The following LRMDA variants were observed in gnomAD, a reference collection of about 807,000 sequenced individuals.
The protein encoded by LRMDA is leucine-rich melanocyte differentiation-associated protein.
A neutral mutation model predicts 29.8 loss-of-function variants in LRMDA; 18 were observed. That is an observed-to-expected ratio of 0.60 (90% CI 0.42 to 0.90). The LOEUF is 0.90. Ranked by LOEUF, LRMDA falls within the 40% of genes least tolerant of loss-of-function variation. The pLI is 0.00. For synonymous variants in LRMDA, 125 were observed against 109.4 expected, an observed-to-expected ratio of 1.14 and a Z score of -0.89; for missense variants, 273 against 273.9, an observed-to-expected ratio of 1.00 and a Z score of 0.02.
intron 2 of LRMDA, among the ~76,000 whole-genome samples, chr10:75,452,778 T>C (rs1160110067): frequency 6.6e-6 from 1 of 152,134 alleles, no homozygotes; most frequent in African/African-American, 2.4e-5. Flanking sequence ...CATATAATCC[T>C]TCATGACCTC....
intron 6 of LRMDA, among the ~76,000 whole-genome samples, chr10:76,523,112 T>C (rs1358642012): frequency 1.3e-5 from 2 of 152,050 alleles, no homozygotes; most frequent in African/African-American, 4.8e-5. Context: ...CATTGATTTT[T>C]TTTTTTTTCT....
At chr10:76,459,231 G>A (rs1842488373) in intron 6 of LRMDA, among the ~76,000 whole-genome samples, 1 of 152,170 alleles carries the variant, frequency 6.6e-6, no homozygotes, top group African/African-American at 2.4e-5. Flanking sequence ...GAACTGTAAT[G>A]TTCCTGGAGA....
intron 2 of LRMDA, among the ~76,000 whole-genome samples, chr10:75,905,130 C>G (rs1044081883): frequency 5.3e-5 from 8 of 152,068 alleles, no homozygotes. Flanking sequence ...GGCTGTTTTA[C>G]TCGGCTATCT....
chr10:76,355,128 C>A (rs1841223691), intron 6 of LRMDA, among the ~76,000 whole-genome samples: 2 of 152,024 alleles, frequency 1.3e-5, no homozygotes, highest in Admixed American at 1.3e-4. Context: ...ATGACCTTTG[C>A]CCTTGAAAAG....
At chr10:75,596,212 G>T (rs1374583650) in intron 2 of LRMDA, among the ~76,000 whole-genome samples, 1 of 152,208 alleles carries the variant, frequency 6.6e-6, no homozygotes, top group Non-Finnish European at 1.5e-5. Flanking sequence ...CTGAAGCAGA[G>T]AGTATAAATA....
At chr10:75,734,459 C>G (rs921068614) in intron 2 of LRMDA, among the ~76,000 whole-genome samples, 2 of 152,180 alleles carry the variant, frequency 1.3e-5, no homozygotes, top group Non-Finnish European at 2.9e-5. Context: ...CACTTCCTCT[C>G]TAGGTCTCGG....
rs188963656 is a variant in LRMDA, at chr10:75,923,005, A to G, written c.132-113003A>G. On this transcript the variant is annotated intron_variant, in intron 2 of 6. Transcript: ENST00000611255. ...AGTCACTCTAAGGGATACTGATACT[A>G]TTTTACAAATGGGGGCCCAGAGAGG... Among the ~76,000 whole-genome samples the G allele has an allele frequency of 1.8e-3, 275 of 152,292 alleles. 2 individuals are homozygous for G. The highest frequency in any genetic ancestry group is 6.1e-3 in the African/African-American group (253 of 41,572).
intron 2 of LRMDA, among the ~76,000 whole-genome samples, chr10:75,980,642 C>G (rs1847152274): frequency 6.6e-6 from 1 of 152,220 alleles, no homozygotes; most frequent in Non-Finnish European, 1.5e-5. Flanking sequence ...TCATCTTCCA[C>G]TCTTTCTCTT....
At chr10:76,133,274 G>GTA (rs1361135988) in intron 5 of LRMDA, among the ~76,000 whole-genome samples, 2 of 151,722 alleles carry the variant, frequency 1.3e-5, no homozygotes, top group African/African-American at 2.4e-5. Context: ...TTTCGTGTGT[G>GTA]TGTGTGTGTG....
At chr10:76,324,269 C>T in intron 5 of LRMDA, 132 bp from the exon 6 acceptor site, 1 of 824,560 alleles carries the variant, frequency 1.2e-6, no homozygotes, top group Non-Finnish European at 2.0e-6. Flanking sequence ...ACAGCTCTTG[C>T]TTCCTAAGAA....
intron 5 of LRMDA, among the ~76,000 whole-genome samples, chr10:76,164,541 A>G (rs1351777774): frequency 6.6e-6 from 1 of 152,204 alleles, no homozygotes; most frequent in Non-Finnish European, 1.5e-5. Flanking sequence ...AAACCACCCA[A>G]AAAACAAAGA....
At chr10:75,787,845 C>T (rs555697241) in intron 2 of LRMDA, among the ~76,000 whole-genome samples, 268 of 152,210 alleles carry the variant, frequency 1.8e-3, no homozygotes, top group Middle Eastern at 0.017. Context: ...CTGGCTAACA[C>T]GGTGAAACTC....
intron 1 of LRMDA, among the ~76,000 whole-genome samples, chr10:75,434,277 C>T (rs189660663): frequency 1.1e-3 from 175 of 152,284 alleles, no homozygotes; most frequent in Non-Finnish European, 2.3e-3. Flanking sequence ...GTGCCAAGGA[C>T]AGTGTTGTGC....
chr10:75,869,019 A>G (rs2132329870), intron 2 of LRMDA, among the ~76,000 whole-genome samples: 1 of 152,340 alleles, frequency 6.6e-6, no homozygotes, highest in East Asian at 1.9e-4. Context: ...CTTCTGGCCA[A>G]GTTGAGTGCC....
chr10:75,940,708 G>A (rs1846375393), intron 2 of LRMDA, among the ~76,000 whole-genome samples: 1 of 152,056 alleles, frequency 6.6e-6, no homozygotes, highest in African/African-American at 2.4e-5. Flanking sequence ...GTGCTTAGTA[G>A]GTGCTTCATA....
chr10:76,380,828 C>T (rs888336725), intron 6 of LRMDA, among the ~76,000 whole-genome samples: 1 of 151,524 alleles, frequency 6.6e-6, no homozygotes, highest in South Asian at 2.1e-4. Flanking sequence ...TTTAGTTAGT[C>T]CTACTATTAA....
intron 5 of LRMDA, among the ~76,000 whole-genome samples, chr10:76,321,017 G>A (rs957589446): frequency 9.5e-4 from 144 of 151,800 alleles, no homozygotes; most frequent in African/African-American, 3.1e-3. Flanking sequence ...TAGAAATCAG[G>A]TTTTTTTCTC....
chr10:76,166,127 C>T (rs746665063), intron 5 of LRMDA, among the ~76,000 whole-genome samples: 42 of 152,062 alleles, frequency 2.8e-4, no homozygotes, highest in Non-Finnish European at 4.6e-4. Context: ...ATCATTTGTC[C>T]GATGTGAAGG....
intron 2 of LRMDA, among the ~76,000 whole-genome samples, chr10:75,511,765 C>T (rs190781282): frequency 6.6e-6 from 1 of 152,250 alleles, no homozygotes; most frequent in East Asian, 1.9e-4. Context: ...TCTTCTGTTC[C>T]CTTCATATGA....
Sources: gnomAD v4.1 joint callset for allele counts (sites outside exome capture counted in the v4.1 genomes callset) on GRCh38, gnomAD v4.1.1 for gene constraint, MANE v1.5 for transcripts, NCBI Gene and HGNC (gene_info 2026-07-23, HGNC 2026-07-21) for gene names.